WWTR1: variants seen among roughly 807,000 people sequenced by gnomAD.
WWTR1 encodes WW domain-containing transcription regulator protein 1.
In WWTR1, 13 loss-of-function variants were observed where a neutral mutation model predicts 40.1. That is an observed-to-expected ratio of 0.32 (90% CI 0.21 to 0.52). The LOEUF (loss-of-function observed/expected upper bound fraction) is 0.52, where lower values mean the gene tolerates loss of function less well. Ranked by LOEUF, WWTR1 falls within the 20% of genes least tolerant of loss-of-function variation. WWTR1 has a pLI of 0.97. For synonymous variants in WWTR1, 230 were observed against 210.1 expected (o/e 1.09, Z -0.82); for missense variants, 436 against 523.1 (o/e 0.83, Z 1.63).
intron 2 of WWTR1, among the ~76,000 whole-genome samples, chr3:149,637,931 T>C (rs568481415): frequency 9.2e-5 from 14 of 152,228 alleles, no homozygotes; most frequent in African/African-American, 3.4e-4. Flanking sequence ...ACATATGCAG[T>C]GGCAACCAGG....
At chr3:149,524,422 T>C (rs1735197394) in intron 6 of WWTR1, among the ~76,000 whole-genome samples, 1 of 151,358 alleles carries the variant, frequency 6.6e-6, no homozygotes, top group Non-Finnish European at 1.5e-5. Flanking sequence ...CTTCCCAGTG[T>C]TTAGAAGATG....
chr3:149,642,491 T>A (rs1212101701), intron 2 of WWTR1, among the ~76,000 whole-genome samples: 1 of 150,570 alleles, frequency 6.6e-6, no homozygotes, highest in Non-Finnish European at 1.5e-5. Flanking sequence ...GTAAGAGAAA[T>A]CCGGCCGGGC....
intron 1 of WWTR1, among the ~76,000 whole-genome samples, chr3:149,679,030 C>T (rs577832626): frequency 6.6e-6 from 1 of 152,168 alleles, no homozygotes; most frequent in East Asian, 1.9e-4. Context: ...GGGGTTTCAC[C>T]ATGTTAGCCA....
intron 3 of WWTR1, among the ~76,000 whole-genome samples, chr3:149,562,261 C>T (rs1281358422): frequency 6.6e-6 from 1 of 150,756 alleles, no homozygotes; most frequent in Non-Finnish European, 1.5e-5. Context: ...TGCCACTGCA[C>T]TCCAGCCTGG....
At chr3:149,698,371 C>T (rs187868426) in intron 1 of WWTR1, among the ~76,000 whole-genome samples, 9 of 152,366 alleles carry the variant, frequency 5.9e-5, no homozygotes, top group South Asian at 2.1e-4. Context: ...CCATGTAAGA[C>T]GTGCCTGTTT....
In WWTR1 at chr3:149,667,901, T is replaced by TTG. The variant is rs1212133015; in HGVS notation, c.-4+1886_-4+1887insCA. Among the ~76,000 whole-genome samples, 6 of 152,252 alleles carry TTG rather than the reference T, an allele frequency of 3.9e-5. No homozygotes were observed. The East Asian group carries it at 1.2e-3, about 29-fold the overall frequency. ...ATCTGAAGATATTTGAAAAGAGAAT[T>TTG]AAAACATCTTGATAAGATACCAAAG... is the stretch of plus-strand genomic sequence containing the variant. On this transcript the variant is annotated intron_variant, in intron 2 of 7. Coordinates refer to the WWTR1 transcript ENST00000465804.
At chr3:149,541,630 C>T (rs1736104973) in intron 4 of WWTR1, among the ~76,000 whole-genome samples, 1 of 151,998 alleles carries the variant, frequency 6.6e-6, no homozygotes, top group African/African-American at 2.4e-5. Flanking sequence ...ACTACTTTGA[C>T]CAAGAGAGTG....
intron 4 of WWTR1, 29 bp downstream of exon 4, chr3:149,542,306 C>T (rs1246003732): frequency 6.2e-7 from 1 of 1,602,278 alleles, no homozygotes; most frequent in South Asian, 1.1e-5. Flanking sequence ...GGCCAGGGAG[C>T]CTCCACCAGA....
chr3:149,704,808 A>G (rs1032660757), upstream of WWTR1, among the ~76,000 whole-genome samples: 30 of 152,116 alleles, frequency 2.0e-4, no homozygotes, highest in Non-Finnish European at 3.4e-4. Flanking sequence ...ATCTGAAAAA[A>G]GCCCCTACCA....
intron 2 of WWTR1, among the ~76,000 whole-genome samples, chr3:149,609,262 C>T (rs954435520): frequency 1.3e-5 from 2 of 152,116 alleles, no homozygotes; most frequent in Admixed American, 6.5e-5. Flanking sequence ...AAATTTTCTT[C>T]ACAAGTTTGG....
intron 1 of WWTR1, among the ~76,000 whole-genome samples, chr3:149,678,854 C>T (rs1322750105): frequency 1.4e-5 from 2 of 143,988 alleles, no homozygotes; most frequent in East Asian, 4.1e-4. Flanking sequence ...TGGAGTTTCG[C>T]TCTTGTTGCC....
intron 2 of WWTR1, among the ~76,000 whole-genome samples, chr3:149,583,891 C>T (rs1738279497): frequency 6.6e-6 from 1 of 152,114 alleles, no homozygotes; most frequent in Non-Finnish European, 1.5e-5. Flanking sequence ...ATAAATGGTC[C>T]AGAGCCTGAC....
chr3:149,644,414 T>A (rs886402908), intron 2 of WWTR1, among the ~76,000 whole-genome samples: 1 of 152,216 alleles, frequency 6.6e-6, no homozygotes, highest in Admixed American at 6.5e-5. Flanking sequence ...TTTCTATCCC[T>A]GTTTCTCCCC....
intron 1 of WWTR1, among the ~76,000 whole-genome samples, chr3:149,686,211 G>T (rs1297656004): frequency 6.6e-6 from 1 of 152,158 alleles, no homozygotes; most frequent in Admixed American, 6.5e-5. Context: ...TTCTATCTCT[G>T]CTCTACCATT....
chr3:149,709,609 A>C (rs1715428747), intron 5 of WWTR1, among the ~76,000 whole-genome samples: 1 of 152,160 alleles, frequency 6.6e-6, no homozygotes, highest in Non-Finnish European at 1.5e-5. Flanking sequence ...ACTCACTCAA[A>C]GAACTAAGGA....
chr3:149,597,516 A>T (rs1739054957), intron 2 of WWTR1, among the ~76,000 whole-genome samples: 1 of 151,996 alleles, frequency 6.6e-6, no homozygotes, highest in African/African-American at 2.4e-5. Context: ...GTGGCAGCGC[A>T]CACCTGAAGT....
chr3:149,557,048 C>A (rs2107966342), intron 3 of WWTR1, among the ~76,000 whole-genome samples: 1 of 140,354 alleles, frequency 7.1e-6, no homozygotes, highest in African/African-American at 2.6e-5. Flanking sequence ...CTAGTGTTCC[C>A]TACTGGAATC....
intron 3 of WWTR1, among the ~76,000 whole-genome samples, chr3:149,570,366 C>T (rs547887954): frequency 7.9e-5 from 12 of 152,086 alleles, no homozygotes; most frequent in Admixed American, 2.6e-4. Context: ...GTCAGGAGTT[C>T]GGGACCAACT....
In WWTR1 at chr3:149,566,402, G is replaced by A. The variant is rs181708693; in HGVS notation, c.568+6462C>T. ...CCAAAAAGTGTATGGGTATTTTTTT[G>A]TTTGTTTGTCTCTGGGTTTGTGCGT... On this transcript the variant is annotated intron_variant, in intron 3 of 6. Coordinates refer to ENST00000360632, the MANE Select transcript of WWTR1 (RefSeq NM_015472.6). 2.3e-3 allele frequency among the ~76,000 whole-genome samples: 357 copies of A among 151,938 alleles called. 2 individuals are homozygous for A. Among genetic ancestry groups the A allele is most frequent in the Admixed American group, 6.9e-3 (106 of 15,274 alleles).
Sources: gnomAD v4.1 joint callset for allele counts (sites outside exome capture counted in the v4.1 genomes callset) on GRCh38, gnomAD v4.1.1 for gene constraint, MANE v1.5 for transcripts, NCBI Gene and HGNC (gene_info 2026-07-23, HGNC 2026-07-21) for gene names.